The following DIP2C variants were observed in gnomAD, a reference collection of about 807,000 sequenced individuals.
DIP2C encodes the protein DIP2 acetate--CoA ligase C (putative).
Under a neutral mutation model 192.4 loss-of-function variants are expected in DIP2C, and 33 were observed. The ratio of observed to expected loss-of-function variants is 0.17; its 90% CI spans 0.13 to 0.23. DIP2C has a LOEUF of 0.23. Among genes scored for constraint, DIP2C ranks in the 10% least tolerant of loss-of-function variants. The pLI, the probability that DIP2C is intolerant of heterozygous loss-of-function variation, is 1.00. For synonymous variants in DIP2C, 979 were observed against 864.1 expected, an observed-to-expected ratio of 1.13 and a Z score of -2.33; for missense variants, 1,537 against 2,110.1, an observed-to-expected ratio of 0.73 and a Z score of 5.32.
At chr10:446,872 A>C (rs1968267343) in intron 3 of DIP2C, among the ~76,000 whole-genome samples, 1 of 152,094 alleles carries the variant, frequency 6.6e-6, no homozygotes, top group South Asian at 2.1e-4. Context: ...AGTGAATTAC[A>C]TTGATTTTTG....
chr10:294,744 T>G (rs1955666631), intron 32 of DIP2C, among the ~76,000 whole-genome samples: 2 of 152,104 alleles, frequency 1.3e-5, no homozygotes, highest in Non-Finnish European at 1.5e-5. Flanking sequence ...TTTTGGGAAC[T>G]CCTTCGTTTT....
chr10:610,353 G>A (rs1208536445), intron 1 of DIP2C, among the ~76,000 whole-genome samples: 3 of 152,186 alleles, frequency 2.0e-5, no homozygotes, highest in Non-Finnish European at 2.9e-5. Context: ...CACACAGCCT[G>A]ACAGGAGCAC....
intron 1 of DIP2C, among the ~76,000 whole-genome samples, chr10:533,393 C>T (rs552263811): frequency 1.2e-4 from 18 of 152,238 alleles, no homozygotes; most frequent in African/African-American, 4.3e-4. Flanking sequence ...GCCGCACAGC[C>T]CGGGCACCAT....
intron 3 of DIP2C, among the ~76,000 whole-genome samples, chr10:466,099 G>T (rs1970177656): frequency 6.8e-6 from 1 of 147,514 alleles, no homozygotes; most frequent in Non-Finnish European, 1.5e-5. Context: ...TAAGCCAAAA[G>T]AACAAAGCTG....
chr10:365,988 G>A (rs76086814), intron 19 of DIP2C, among the ~76,000 whole-genome samples: 3,551 of 152,312 alleles, frequency 0.023, 51 homozygotes, highest in Non-Finnish European at 0.037. Flanking sequence ...ACAAGTGCAC[G>A]TTCAATAATG....
intron 18 of DIP2C, among the ~76,000 whole-genome samples, chr10:368,962 T>A (rs1316134112): frequency 2.0e-5 from 3 of 152,202 alleles, no homozygotes. Flanking sequence ...CTCGTGGGGC[T>A]GGTGGGGAGG....
intron 1 of DIP2C, among the ~76,000 whole-genome samples, chr10:555,918 C>T (rs1848830888): frequency 6.6e-6 from 1 of 152,128 alleles, no homozygotes; most frequent in Non-Finnish European, 1.5e-5. Flanking sequence ...TCCACTGTTG[C>T]CCGGCCCTGC....
At chr10:473,564 C>T (rs558521320) in intron 2 of DIP2C, among the ~76,000 whole-genome samples, 1 of 152,092 alleles carries the variant, frequency 6.6e-6, no homozygotes, top group Non-Finnish European at 1.5e-5. Flanking sequence ...ATGTCATCCC[C>T]ACAGTTCTGT....
chr10:357,984 C>G (rs928916049), intron 22 of DIP2C, 47 bp from the exon 23 acceptor site: 1 of 1,467,740 alleles, frequency 6.8e-7, no homozygotes, highest in Non-Finnish European at 9.5e-7. Flanking sequence ...AAGAGAAATT[C>G]CTTCAGACTA....
Position 275,301 on chromosome 10 carries a change from A to G in DIP2C, c.*2024T>C, listed in dbSNP as rs927244031. 3.3e-5 allele frequency: 5 copies of G among 151,942 alleles called. No homozygotes were observed. Among genetic ancestry groups the G allele is most frequent in the African/African-American group, 7.3e-5 (3 of 41,324 alleles). The allele number at this position is 151,942 out of a possible 1,614,324, so 9.4% of individuals were successfully genotyped here. A position where few individuals can be genotyped will look rare whatever the true frequency, so the allele number is the denominator to read the frequency against. The stretch of plus-strand genomic sequence containing the variant: ...TAGGAAAATGTCTTTTTTCCCCCCA[A>G]TGTGTGGTGGTTCCCCCCTTAGGAA... On this transcript the variant is annotated 3_prime_UTR_variant, in exon 37 of 37. Coordinates refer to ENST00000280886, the MANE Select transcript of DIP2C (RefSeq NM_014974.3).
intron 1 of DIP2C, among the ~76,000 whole-genome samples, chr10:522,141 T>C (rs12359454): frequency 0.32 from 47,899 of 151,744 alleles, 9,483 homozygotes; most frequent in Non-Finnish European, 0.45. Context: ...GTCTCTGCAG[T>C]TGTGCCTTTT....
chr10:573,367 CTAGTT>C (rs1849939310), intron 1 of DIP2C, among the ~76,000 whole-genome samples: 1 of 152,204 alleles, frequency 6.6e-6, no homozygotes, highest in African/African-American at 2.4e-5. Flanking sequence ...TTATTCTACT[CTAGTT>C]TACACAGAGC....
At chr10:566,103 A>T (rs1276790688) in intron 1 of DIP2C, among the ~76,000 whole-genome samples, 3 of 152,250 alleles carry the variant, frequency 2.0e-5, no homozygotes, top group Non-Finnish European at 4.4e-5. Flanking sequence ...ATGCTCTAAG[A>T]ATAGAAACTT....
intron 17 of DIP2C, 112 bp from the exon 18 acceptor site, chr10:369,745 C>CA (rs746373242): frequency 1.2e-5 from 18 of 1,552,966 alleles, no homozygotes; most frequent in Non-Finnish European, 1.6e-5. Flanking sequence ...ACAGTGCTGG[C>CA]ACCCCAGGCA....
At chr10:415,090 C>T (rs527766055) in intron 7 of DIP2C, among the ~76,000 whole-genome samples, 16 of 151,802 alleles carry the variant, frequency 1.1e-4, no homozygotes, top group African/African-American at 3.6e-4. Flanking sequence ...AACAGGAACA[C>T]GGAGTGAGTA....
At chr10:314,287 A>G (rs1956682817) in intron 31 of DIP2C, among the ~76,000 whole-genome samples, 1 of 152,184 alleles carries the variant, frequency 6.6e-6, no homozygotes, top group Non-Finnish European at 1.5e-5. Flanking sequence ...TAAGCCCTGT[A>G]ACAATTTCCC....
At chr10:645,680 T>C (rs1008847459) in intron 1 of DIP2C, among the ~76,000 whole-genome samples, 1 of 152,226 alleles carries the variant, frequency 6.6e-6, no homozygotes, top group African/African-American at 2.4e-5. Context: ...TAAACAATTA[T>C]ATACCCATCC....
At chr10:604,051 C>G (rs1275218096) in intron 1 of DIP2C, among the ~76,000 whole-genome samples, 2 of 150,392 alleles carry the variant, frequency 1.3e-5, no homozygotes, top group Admixed American at 1.3e-4. Flanking sequence ...CCCCACACCC[C>G]CTCTGGCCTC....
rs545781713 is a variant in DIP2C at position 673,811 on chromosome 10, C to T, written c.85+15683G>A. On this transcript the variant is annotated intron_variant, in intron 1 of 36. Coordinates refer to ENST00000280886, the MANE Select transcript of DIP2C (RefSeq NM_014974.3). ...TCAAGAAAACAAGGAAATGCAAGGC[C>T]GTCTCCTGCCCCAGGTGCGTGGCTA... is the stretch of plus-strand genomic sequence containing the variant. Among the ~76,000 whole-genome samples, 6 of 152,284 alleles carry T rather than the reference C, an allele frequency of 3.9e-5. No homozygotes were observed. In the South Asian group the frequency reaches 1.0e-3, roughly 26 times the overall value.
Sources: gnomAD v4.1 joint callset for allele counts (sites outside exome capture counted in the v4.1 genomes callset) on GRCh38, gnomAD v4.1.1 for gene constraint, MANE v1.5 for transcripts, NCBI Gene and HGNC (gene_info 2026-07-23, HGNC 2026-07-21) for gene names.